The following UHRF2 variants were observed in gnomAD, a reference collection of about 807,000 sequenced individuals.
UHRF2 encodes the protein E3 ubiquitin-protein ligase UHRF2.
In UHRF2, 23 loss-of-function variants were observed where a neutral mutation model predicts 96.8. The ratio of observed to expected loss-of-function variants is 0.24; its 90% CI spans 0.17 to 0.34. The LOEUF is 0.34. Among genes scored for constraint, UHRF2 ranks in the 10% least tolerant of loss-of-function variants. The pLI is 1.00. For missense variants in UHRF2, 685 were observed against 981.5 expected (o/e 0.70, Z 4.04); for synonymous variants, 385 against 332.6 (o/e 1.16, Z -1.72).
intron 1 of UHRF2, among the ~76,000 whole-genome samples, chr9:6,416,732 G>A (rs1480495366): frequency 2.0e-5 from 3 of 150,398 alleles, no homozygotes; most frequent in Non-Finnish European, 4.4e-5. Context: ...GTAGAGACGG[G>A]GTTTCACCGT....
chr9:6,421,474 G>A (rs1344622669), intron 2 of UHRF2, among the ~76,000 whole-genome samples: 3 of 152,204 alleles, frequency 2.0e-5, no homozygotes, highest in Admixed American at 6.5e-5. Context: ...GTGCAGTGGC[G>A]CACGCAATCT....
chr9:6,415,948 C>CG (rs1403358514), intron 1 of UHRF2, among the ~76,000 whole-genome samples: 3 of 152,202 alleles, frequency 2.0e-5, no homozygotes, highest in African/African-American at 7.2e-5. Context: ...GAAATCCTCA[C>CG]GCCAGACCTA....
At chr9:6,459,948 A>C (rs1207690041) in intron 3 of UHRF2, among the ~76,000 whole-genome samples, 1 of 152,240 alleles carries the variant, frequency 6.6e-6, no homozygotes, top group Non-Finnish European at 1.5e-5. Flanking sequence ...ACTGCAGCCT[A>C]GGTGGCAGAG....
chr9:6,454,398 G>C (rs1425158288), intron 3 of UHRF2, among the ~76,000 whole-genome samples: 2 of 152,220 alleles, frequency 1.3e-5, no homozygotes, highest in Non-Finnish European at 2.9e-5. Context: ...TTTAGGCTAA[G>C]TGTTAGATCT....
intron 8 of UHRF2, among the ~76,000 whole-genome samples, chr9:6,484,399 C>G (rs1007814435): frequency 3.3e-5 from 5 of 150,408 alleles, no homozygotes; most frequent in African/African-American, 9.8e-5. Context: ...GCTTCTCCTC[C>G]TCCTCCTCCT....
chr9:6,446,212 T>C (rs1184692827), intron 3 of UHRF2, among the ~76,000 whole-genome samples: 1 of 151,302 alleles, frequency 6.6e-6, no homozygotes, highest in Non-Finnish European at 1.5e-5. Flanking sequence ...GTGCAGTGGC[T>C]CAATCTTGCC....
intron 4 of UHRF2, among the ~76,000 whole-genome samples, chr9:6,463,770 GA>G (rs1326700920): frequency 2.0e-5 from 3 of 151,898 alleles, no homozygotes; most frequent in East Asian, 3.9e-4. Context: ...CGTGTCTGGA[GA>G]AAAAAAATTT....
At chr9:6,425,717 C>A (rs984468354) in intron 2 of UHRF2, among the ~76,000 whole-genome samples, 1 of 151,922 alleles carries the variant, frequency 6.6e-6, no homozygotes, top group Admixed American at 6.6e-5. Context: ...GAGCCGAGAT[C>A]GCGCCACTGC....
intron 3 of UHRF2, among the ~76,000 whole-genome samples, chr9:6,441,483 G>C (rs1157447172): frequency 6.6e-6 from 1 of 152,106 alleles, no homozygotes; most frequent in African/African-American, 2.4e-5. Flanking sequence ...TGGCTGAGCA[G>C]TATGTGTTCT....
chr9:6,479,508 G>A (rs1823795607), intron 6 of UHRF2, among the ~76,000 whole-genome samples: 1 of 151,968 alleles, frequency 6.6e-6, no homozygotes, highest in Non-Finnish European at 1.5e-5. Flanking sequence ...TCTTTTCTAT[G>A]CTAGGGAACT....
At chr9:6,414,568 C>G (rs1439629223) in intron 1 of UHRF2, among the ~76,000 whole-genome samples, 1 of 152,166 alleles carries the variant, frequency 6.6e-6, no homozygotes, top group African/African-American at 2.4e-5. Flanking sequence ...TCAGACCCAT[C>G]GTATTTTTCT....
chr9:6,506,417 C>G lies in UHRF2; in HGVS notation c.*238C>G. 2.6e-6 allele frequency: 1 copy of G among 387,256 alleles called. No homozygotes were observed. Among genetic ancestry groups the G allele is most frequent in the Non-Finnish European group, 4.5e-6 (1 of 221,362 alleles). The allele number at this position is 387,256 out of a possible 1,614,324, so 24.0% of individuals were successfully genotyped here. ...GTTTTAATGAGTAAAAAGTCAAAGC[C>G]TCAGCTCTAGTTGATATCCAAGTTA... On this transcript the variant is annotated 3_prime_UTR_variant, in exon 16 of 16. Transcript: ENST00000276893.
intron 8 of UHRF2, among the ~76,000 whole-genome samples, chr9:6,484,087 T>C (rs1309141936): frequency 6.6e-6 from 1 of 151,700 alleles, no homozygotes; most frequent in African/African-American, 2.4e-5. Context: ...TTTTTTTTTT[T>C]TAAGAGACAG....
intron 12 of UHRF2, chr9:6,498,459 G>C (rs1825091559): frequency 4.8e-6 from 1 of 209,384 alleles, no homozygotes; most frequent in Non-Finnish European, 9.4e-6. Context: ...ATAAAATTTA[G>C]GTATAGGAGG....
intron 4 of UHRF2, among the ~76,000 whole-genome samples, chr9:6,469,344 C>A (rs1307466682): frequency 6.6e-6 from 1 of 151,834 alleles, no homozygotes; most frequent in Non-Finnish European, 1.5e-5. Context: ...ATAGTGAAAC[C>A]CCGTCTCTAC....
intron 14 of UHRF2, among the ~76,000 whole-genome samples, chr9:6,500,939 C>T (rs1482448355): frequency 6.6e-6 from 1 of 152,238 alleles, no homozygotes; most frequent in South Asian, 2.1e-4. Flanking sequence ...CCCAAAGTTA[C>T]TTTACTTTGA....
chr9:6,505,965 G>C, intron 15 of UHRF2, 68 bp from the exon 16 acceptor site: 1 of 1,545,332 alleles, frequency 6.5e-7, no homozygotes, highest in African/African-American at 1.4e-5. Context: ...CTATTTAAAA[G>C]CATAAGTTGC....
chr9:6,468,709 A>G (rs1212441534), intron 4 of UHRF2: 2 of 455,826 alleles, frequency 4.4e-6, no homozygotes, highest in Non-Finnish European at 8.8e-6. Context: ...AAATGTAGTA[A>G]AAAGTGGCAT....
intron 8 of UHRF2, among the ~76,000 whole-genome samples, chr9:6,484,978 A>G (rs1206613487): frequency 6.6e-6 from 1 of 151,184 alleles, no homozygotes; most frequent in East Asian, 2.0e-4. Context: ...TTTTTAGTAG[A>G]GATGGGGTTA....
Sources: allele counts gnomAD v4.1 joint callset (sites outside exome capture counted in the v4.1 genomes callset), GRCh38; gene constraint gnomAD v4.1.1; transcripts MANE v1.5; gene names NCBI Gene and HGNC (gene_info 2026-07-23, HGNC 2026-07-21).